PRR5L: variants seen among roughly 807,000 people sequenced by gnomAD.
PRR5L encodes the protein proline rich 5 like.
PRR5L carries 21 observed loss-of-function variants against 36.4 expected under a neutral mutation model. The ratio of observed to expected loss-of-function variants is 0.58; its 90% confidence interval spans 0.41 to 0.83. The LOEUF (loss-of-function observed/expected upper bound fraction) is 0.83, where lower values mean the gene tolerates loss of function less well. Among genes scored for constraint, PRR5L ranks in the 40% least tolerant of loss-of-function variants. The pLI is 0.00. For missense variants in PRR5L, 381 were observed against 473.3 expected (o/e 0.80, Z 1.81); for synonymous variants, 188 against 197.0 (o/e 0.95, Z 0.38).
intron 6 of PRR5L, among the ~76,000 whole-genome samples, chr11:36,442,835 C>G (rs1477674320): frequency 6.6e-6 from 1 of 152,132 alleles, no homozygotes; most frequent in Non-Finnish European, 1.5e-5. Flanking sequence ...CTATTTCTAT[C>G]AGTATTTTAG....
intron 1 of PRR5L, among the ~76,000 whole-genome samples, chr11:36,380,767 A>G (rs775457419): frequency 2.0e-5 from 3 of 152,204 alleles, no homozygotes; most frequent in Non-Finnish European, 2.9e-5. Context: ...AGGTTTTTAT[A>G]TATTCTTCAA....
intron 1 of PRR5L, among the ~76,000 whole-genome samples, chr11:36,317,305 T>G (rs1326490169): frequency 6.6e-6 from 1 of 152,226 alleles, no homozygotes; most frequent in Non-Finnish European, 1.5e-5. Context: ...TCAATTTAGC[T>G]GTGTGATCTT....
intron 1 of PRR5L, among the ~76,000 whole-genome samples, chr11:36,299,487 C>T (rs544132683): frequency 1.2e-4 from 19 of 152,276 alleles, no homozygotes; most frequent in East Asian, 5.8e-4. Context: ...AAACCAGTTT[C>T]GTGCCACTTC....
Position 36,420,176 on chromosome 11 carries a change from C to G in PRR5L, c.294+873C>G, listed in dbSNP as rs138266253. On this transcript the variant is annotated intron_variant, in intron 4 of 8. Transcript: ENST00000530639. ...CTTAGTGAAGTCAGAATCCCTACTT[C>G]TCACTCATTTGCTGAGTGGGCAAGC... Among the ~76,000 whole-genome samples the G allele has an allele frequency of 3.6e-3, 551 of 152,366 alleles. 2 individuals carry two copies. The highest frequency in any genetic ancestry group is 0.013 in the African/African-American group (531 of 41,588).
chr11:36,368,225 C>T (rs1260896197), intron 1 of PRR5L, among the ~76,000 whole-genome samples: 1 of 151,998 alleles, frequency 6.6e-6, no homozygotes, highest in Admixed American at 6.6e-5. Context: ...TAAACCAGGT[C>T]TGAAAATTTC....
At chr11:36,405,358 AT>A (rs1464225593) in intron 3 of PRR5L, among the ~76,000 whole-genome samples, 1 of 152,242 alleles carries the variant, frequency 6.6e-6, no homozygotes, top group African/African-American at 2.4e-5. Flanking sequence ...TTGGTAAATA[AT>A]CCAAATTTCC....
At chr11:36,345,002 G>A (rs1157344496) in intron 1 of PRR5L, among the ~76,000 whole-genome samples, 3 of 152,162 alleles carry the variant, frequency 2.0e-5, no homozygotes, top group Non-Finnish European at 1.5e-5. Flanking sequence ...CTTCAGGAAT[G>A]TTCCAGAAGG....
At chr11:36,440,901 TACTAATAGAGTGAGA>T (rs1168061987) in intron 6 of PRR5L, among the ~76,000 whole-genome samples, 1 of 152,116 alleles carries the variant, frequency 6.6e-6, no homozygotes, top group Non-Finnish European at 1.5e-5. Flanking sequence ...AGCTCTCTCA[TACTAATAGAGTGAGA>T]ACTAATAGAG....
chr11:36,400,924 A>G (rs539200988), intron 1 of PRR5L, 73 bp from the exon 2 acceptor site: 2 of 1,220,264 alleles, frequency 1.6e-6, no homozygotes, highest in East Asian at 5.7e-5. Context: ...TAGGCTGGAA[A>G]GTCCCAGCCA....
chr11:36,452,031 A>G (rs1858956442), intron 8 of PRR5L, among the ~76,000 whole-genome samples: 2 of 152,260 alleles, frequency 1.3e-5, no homozygotes, highest in South Asian at 4.1e-4. Context: ...AATAGCTCTC[A>G]GACCAGTCTT....
At chr11:36,392,635 A>C (rs1857584755) in intron 1 of PRR5L, among the ~76,000 whole-genome samples, 1 of 152,202 alleles carries the variant, frequency 6.6e-6, no homozygotes, top group Non-Finnish European at 1.5e-5. Context: ...TATAAAGCAG[A>C]GTTTTAATTG....
intron 4 of PRR5L, among the ~76,000 whole-genome samples, chr11:36,429,308 A>G (rs1265812059): frequency 6.6e-6 from 1 of 152,218 alleles, no homozygotes; most frequent in Admixed American, 6.5e-5. Flanking sequence ...GCCAGTATAT[A>G]TATTCAGTAA....
chr11:36,441,297 G>A (rs1858717876), intron 6 of PRR5L, among the ~76,000 whole-genome samples: 3 of 152,214 alleles, frequency 2.0e-5, no homozygotes, highest in Admixed American at 2.0e-4. Context: ...AGATACAATG[G>A]TGGCACAGGC....
chr11:36,459,217 G>A (rs1414644684), intron 8 of PRR5L, among the ~76,000 whole-genome samples: 1 of 152,190 alleles, frequency 6.6e-6, no homozygotes, highest in Non-Finnish European at 1.5e-5. Flanking sequence ...AGGCCTAGGT[G>A]GCAGAGGAGG....
intron 1 of PRR5L, among the ~76,000 whole-genome samples, chr11:36,368,979 A>G (rs1186054341): frequency 6.6e-6 from 1 of 152,238 alleles, no homozygotes; most frequent in Non-Finnish European, 1.5e-5. Flanking sequence ...GAGTTAGTAC[A>G]TAAAGGCAAA....
intron 1 of PRR5L, among the ~76,000 whole-genome samples, chr11:36,317,992 T>C (rs897153748): frequency 4.6e-5 from 7 of 152,242 alleles, no homozygotes; most frequent in African/African-American, 1.7e-4. Context: ...ACATTTTTGG[T>C]CAATGACTGC....
intron 7 of PRR5L, 120 bp from the exon 8 acceptor site, chr11:36,451,089 T>C: frequency 8.0e-7 from 1 of 1,252,870 alleles, no homozygotes; most frequent in Non-Finnish European, 1.1e-6. Flanking sequence ...GCAAGGATGC[T>C]GCCTGCCAGC....
intron 8 of PRR5L, among the ~76,000 whole-genome samples, chr11:36,458,169 G>A (rs1859104639): frequency 6.6e-6 from 1 of 152,196 alleles, no homozygotes; most frequent in Admixed American, 6.5e-5. Context: ...TCAGCTTCTT[G>A]TGTAGCATCT....
chr11:36,400,170 T>C (rs1441594884), intron 1 of PRR5L, among the ~76,000 whole-genome samples: 1 of 152,130 alleles, frequency 6.6e-6, no homozygotes, highest in Non-Finnish European at 1.5e-5. Flanking sequence ...GAGGAGTAGT[T>C]GGTACGAGCA....
Sources: gnomAD v4.1 joint callset for allele counts (sites outside exome capture counted in the v4.1 genomes callset) on GRCh38, gnomAD v4.1.1 for gene constraint, MANE v1.5 for transcripts, NCBI Gene and HGNC (gene_info 2026-07-23, HGNC 2026-07-21) for gene names.